The following TNS3 variants were observed in gnomAD, a reference collection of about 807,000 sequenced individuals.
TNS3 encodes tensin 3.
A neutral mutation model predicts 140.9 loss-of-function variants in TNS3; 45 were observed. That is an observed-to-expected ratio of 0.32 (90% CI 0.25 to 0.41). The LOEUF is 0.41. TNS3 is among the 10% of genes least tolerant of loss of function. The pLI is 1.00. For synonymous variants in TNS3, 815 were observed against 788.4 expected, an observed-to-expected ratio of 1.03 and a Z score of -0.56; for missense variants, 1,716 against 1,906.7, an observed-to-expected ratio of 0.90 and a Z score of 1.86.
chr7:47,297,315 A>G (rs548174307), intron 23 of TNS3, 102 bp from the exon 24 acceptor site: 40 of 1,425,468 alleles, frequency 2.8e-5, no homozygotes, highest in East Asian at 1.4e-4. Flanking sequence ...TCTTTTTGCA[A>G]ACTGGATCAG....
chr7:47,506,251 C>A (rs964434020), intron 3 of TNS3, among the ~76,000 whole-genome samples: 1 of 152,174 alleles, frequency 6.6e-6, no homozygotes, highest in Non-Finnish European at 1.5e-5. Context: ...GGTGCGAGCA[C>A]CAAGACAACG....
chr7:47,286,800 T>C (rs1785443587), intron 27 of TNS3, among the ~76,000 whole-genome samples: 1 of 152,188 alleles, frequency 6.6e-6, no homozygotes, highest in Non-Finnish European at 1.5e-5. Context: ...TGATGGACTA[T>C]TGTGTAGCCA....
chr7:47,404,968 C>A (rs1423438402), intron 13 of TNS3, among the ~76,000 whole-genome samples: 1 of 152,152 alleles, frequency 6.6e-6, no homozygotes, highest in African/African-American at 2.4e-5. Context: ...GGAACGGAGC[C>A]CTGCCTTGAC....
At chr7:47,377,506 A>G (rs774733294) in intron 16 of TNS3, among the ~76,000 whole-genome samples, 8 of 152,208 alleles carry the variant, frequency 5.3e-5, no homozygotes, top group Non-Finnish European at 7.3e-5. Flanking sequence ...GCGTCTTGAT[A>G]GTGGTGGGAG....
At chr7:47,531,227 T>C (rs1799394224) in intron 1 of TNS3, among the ~76,000 whole-genome samples, 1 of 151,910 alleles carries the variant, frequency 6.6e-6, no homozygotes, top group Non-Finnish European at 1.5e-5. Flanking sequence ...ACCTATATAA[T>C]AAACCTGCAC....
intron 3 of TNS3, among the ~76,000 whole-genome samples, chr7:47,491,047 G>A (rs75560823): frequency 8.4e-4 from 128 of 152,256 alleles, no homozygotes; most frequent in Non-Finnish European, 1.2e-3. Flanking sequence ...TTCAGCCGCC[G>A]ATGGTGGGGG....
chr7:47,346,070 G>C (rs1327347211), intron 18 of TNS3, 117 bp downstream of exon 18: 1 of 1,342,158 alleles, frequency 7.5e-7, no homozygotes, highest in African/African-American at 1.4e-5. Context: ...TGGGTGCGGA[G>C]GATAATGTGG....
chr7:47,394,188 A>G (rs575654846), intron 16 of TNS3, among the ~76,000 whole-genome samples: 1 of 152,346 alleles, frequency 6.6e-6, no homozygotes, highest in African/African-American at 2.4e-5. Flanking sequence ...AGTATCTGCT[A>G]TGGACTGAAT....
In TNS3 at chr7:47,276,720, C is replaced by A. The variant is rs1395925011; in HGVS notation, c.*1356G>T. 1 of 152,140 alleles carries A rather than the reference C, an allele frequency of 6.6e-6. No individual in the cohort carries two copies. The highest frequency in any genetic ancestry group is 1.5e-5 in the Non-Finnish European group (1 of 68,030). The allele number at this position is 152,140 out of a possible 1,614,324, so 9.4% of individuals were successfully genotyped here. On this transcript the variant is annotated 3_prime_UTR_variant, in exon 31 of 31. Transcript: ENST00000311160. Reference sequence around the variant, plus strand: ...CAGGGCATTGGAATGTTGAAATAAGCCTGAAATACACTTGATTCAGTGGCT... The same window carrying A: ...CAGGGCATTGGAATGTTGAAATAAGACTGAAATACACTTGATTCAGTGGCT...
At chr7:47,333,915 C>T (rs1247926023) in intron 20 of TNS3, among the ~76,000 whole-genome samples, 1 of 152,140 alleles carries the variant, frequency 6.6e-6, no homozygotes, top group Non-Finnish European at 1.5e-5. Context: ...CCCCCAATAC[C>T]ATGCATGGCA....
intron 1 of TNS3, among the ~76,000 whole-genome samples, chr7:47,543,952 T>A (rs1275750468): frequency 1.3e-5 from 2 of 152,216 alleles, no homozygotes; most frequent in African/African-American, 4.8e-5. Flanking sequence ...TGTTTCCCTC[T>A]GCTCTGACTC....
At chr7:47,530,838 A>AATATATATATATATATATATATATAT (rs1554350245) in intron 1 of TNS3, among the ~76,000 whole-genome samples, 21 of 54,544 alleles carry the variant, frequency 3.9e-4, no homozygotes, top group Non-Finnish European at 5.9e-4. Context: ...AAAAAAAAAA[A>AATATATATATATATATATATATATAT]ATATATATAT....
intron 4 of TNS3, among the ~76,000 whole-genome samples, chr7:47,457,218 T>G (rs1796298577): frequency 6.8e-6 from 1 of 146,222 alleles, no homozygotes; most frequent in Non-Finnish European, 1.5e-5. Flanking sequence ...CCTCGATGTA[T>G]CCTCTGTCCA....
intron 4 of TNS3, among the ~76,000 whole-genome samples, chr7:47,460,856 C>T (rs1477163230): frequency 6.6e-6 from 1 of 152,176 alleles, no homozygotes; most frequent in Non-Finnish European, 1.5e-5. Context: ...CACAAGATAT[C>T]CAACTACTTT....
chr7:47,530,838 A>AATAT (rs1554350245), intron 1 of TNS3, among the ~76,000 whole-genome samples: 58 of 54,556 alleles, frequency 1.1e-3, no homozygotes, highest in African/African-American at 4.1e-3. Flanking sequence ...AAAAAAAAAA[A>AATAT]ATATATATAT....
chr7:47,389,041 A>G (rs796091575), intron 16 of TNS3, among the ~76,000 whole-genome samples: 947 of 24,970 alleles, frequency 0.038, 85 homozygotes, highest in African/African-American at 0.059. Context: ...AAGAAGAAGA[A>G]GAAGAAGAAG....
chr7:47,333,016 C>A lies in TNS3; in HGVS notation c.2650+11739G>T, dbSNP rs188776455. Among the ~76,000 whole-genome samples, 248 of 152,324 alleles carry A rather than the reference C, an allele frequency of 1.6e-3. 1 individual carries two copies. The highest frequency in any genetic ancestry group is 3.2e-3 in the Admixed American group (49 of 15,294). On this transcript the variant is annotated intron_variant, in intron 20 of 30. Transcript: ENST00000311160. The stretch of plus-strand genomic sequence containing the variant: ...CCCAAAGTGAGCAAACGAGAACATT[C>A]AGCATGGTAGAGAAGTCTGCAGGCT...
chr7:47,503,376 C>T (rs1378888543), intron 3 of TNS3, among the ~76,000 whole-genome samples: 1 of 151,990 alleles, frequency 6.6e-6, no homozygotes, highest in Non-Finnish European at 1.5e-5. Context: ...CCTCCCCCTT[C>T]TCCCCTCCCC....
rs1317992833 is a variant in TNS3 at position 47,297,111 on chromosome 7, G to A, written c.3647C>T (p.Pro1216Leu). Residue 1216 changes from proline (P) to leucine (L), a missense_variant, in exon 24 of 31, where the codon CCA becomes CTA. By Grantham distance (98) the Pro-to-Leu change is moderately conservative. This residue lies in a region of TNS3 where 216 missense variants were observed against 295.7 expected (regional missense o/e 0.73). Transcript: ENST00000311160. ...YGLAMKVATP[P>L]PSVLQLNKKA... ...CTTGTTCAGCTGCAGGACTGAAGGT[G>A]GGGGCGTGGCCACCTTCATGGCCAG... 5 of 1,614,100 alleles carry A rather than the reference G, an allele frequency of 3.1e-6. No individual in the cohort carries two copies. The highest frequency in any genetic ancestry group is 4.2e-6 in the Non-Finnish European group (5 of 1,180,018).
Sources: gnomAD v4.1 joint callset for allele counts (sites outside exome capture counted in the v4.1 genomes callset) on GRCh38, gnomAD v4.1.1 for gene constraint, gnomAD v4.1.1 regional missense constraint, MANE v1.5 for transcripts, NCBI Gene and HGNC (gene_info 2026-07-23, HGNC 2026-07-21) for gene names.